The following MAP4K3 variants were observed in gnomAD, a reference collection of about 807,000 sequenced individuals.
MAP4K3 encodes the protein mitogen-activated protein kinase kinase kinase kinase 3.
Under a neutral mutation model 143.5 loss-of-function variants are expected in MAP4K3, and 94 were observed. That is an observed-to-expected ratio of 0.65 (90% confidence interval 0.55 to 0.78). The LOEUF is 0.78. MAP4K3 is among the 30% of genes least tolerant of loss of function. The pLI is 0.00. For missense variants in MAP4K3, 1,077 were observed against 1,068.1 expected (o/e 1.01, Z -0.12); for synonymous variants, 416 against 347.2 (o/e 1.20, Z -2.20).
At chr2:39,290,843 G>C (rs577171491) in intron 18 of MAP4K3, among the ~76,000 whole-genome samples, 1 of 152,242 alleles carries the variant, frequency 6.6e-6, no homozygotes, top group East Asian at 1.9e-4. Flanking sequence ...GGCCGAGGTG[G>C]GCAGATCACG....
chr2:39,358,502 T>C (rs1665674721), intron 2 of MAP4K3, among the ~76,000 whole-genome samples: 1 of 152,226 alleles, frequency 6.6e-6, no homozygotes, highest in South Asian at 2.1e-4. Context: ...TCTAATAGAA[T>C]GTATTAGTGG....
chr2:39,254,438 T>C lies in MAP4K3; in HGVS notation c.2541+12A>G, dbSNP rs1179796503. On this transcript the variant is annotated intron_variant, in intron 32 of 33. Transcript: ENST00000263881. Reference sequence around the variant, plus strand: ...ATGTCTTGTGACTACTTAATGGACATAATTTACTTACCTCATTAGATCTAA... The same window carrying C: ...ATGTCTTGTGACTACTTAATGGACACAATTTACTTACCTCATTAGATCTAA... 4 of 1,606,474 alleles carry C rather than the reference T, an allele frequency of 2.5e-6. No individual in the cohort carries two copies. The highest frequency in any genetic ancestry group is 1.3e-5 in the African/African-American group (1 of 74,788).
chr2:39,255,508 G>A (rs1680309010), intron 31 of MAP4K3, among the ~76,000 whole-genome samples: 1 of 152,070 alleles, frequency 6.6e-6, no homozygotes, highest in African/African-American at 2.4e-5. Context: ...CCATTTACAT[G>A]TGGGTCTATT....
intron 2 of MAP4K3, among the ~76,000 whole-genome samples, chr2:39,374,574 C>T (rs184813333): frequency 8.2e-4 from 124 of 151,674 alleles, no homozygotes; most frequent in East Asian, 5.7e-3. Context: ...CCCAGCTACT[C>T]GGGCAGCTGA....
At chr2:39,251,562 A>T (rs1680156497) in intron 33 of MAP4K3, among the ~76,000 whole-genome samples, 1 of 152,238 alleles carries the variant, frequency 6.6e-6, no homozygotes, top group Admixed American at 6.5e-5. Context: ...GTTCATTAAC[A>T]TATGGTATTT....
intron 32 of MAP4K3, among the ~76,000 whole-genome samples, chr2:39,253,883 A>G (rs952511516): frequency 6.6e-6 from 1 of 152,196 alleles, no homozygotes; most frequent in African/African-American, 2.4e-5. Flanking sequence ...TATGTCACAC[A>G]GCTTGGAGTT....
chr2:39,280,173 C>A, intron 23 of MAP4K3, 99 bp downstream of exon 23: 2 of 664,762 alleles, frequency 3.0e-6, no homozygotes, highest in Non-Finnish European at 4.9e-6. Flanking sequence ...ACTTTTTTTC[C>A]CCAGAAAGAT....
chr2:39,396,067 C>G (rs1380400893), intron 1 of MAP4K3, among the ~76,000 whole-genome samples: 1 of 152,060 alleles, frequency 6.6e-6, no homozygotes, highest in African/African-American at 2.4e-5. Flanking sequence ...GACAAGATCT[C>G]ACTCTGTTGC....
intron 1 of MAP4K3, among the ~76,000 whole-genome samples, chr2:39,414,159 TAGAAAAC>T (rs1042078939): frequency 6.6e-6 from 1 of 152,086 alleles, no homozygotes; most frequent in Admixed American, 6.6e-5. Flanking sequence ...TAGCCAAATC[TAGAAAAC>T]AGAAACACTC....
chr2:39,373,582 G>A (rs547875256), intron 2 of MAP4K3, among the ~76,000 whole-genome samples: 13 of 152,260 alleles, frequency 8.5e-5, no homozygotes, highest in African/African-American at 3.1e-4. Context: ...TGATACATAC[G>A]TACAATGGAG....
intron 6 of MAP4K3, among the ~76,000 whole-genome samples, chr2:39,336,681 A>G (rs190975521): frequency 6.6e-6 from 1 of 152,180 alleles, no homozygotes; most frequent in African/African-American, 2.4e-5. Context: ...AGAAGCTAAA[A>G]TGAGTTATTA....
intron 12 of MAP4K3, among the ~76,000 whole-genome samples, chr2:39,317,947 G>A (rs909239069): frequency 4.6e-5 from 7 of 151,990 alleles, no homozygotes; most frequent in Non-Finnish European, 1.0e-4. Flanking sequence ...AAACATGCAC[G>A]TTATGTTCAT....
chr2:39,271,387 G>GT (rs1681012556), intron 26 of MAP4K3, among the ~76,000 whole-genome samples: 1 of 152,024 alleles, frequency 6.6e-6, no homozygotes, highest in African/African-American at 2.4e-5. Context: ...GAAAATTAAG[G>GT]TTTTATGTTA....
chr2:39,322,592 A>ATGTGTGTGTGTGTGTG (rs71752304), intron 12 of MAP4K3, among the ~76,000 whole-genome samples: 6 of 144,774 alleles, frequency 4.1e-5, no homozygotes, highest in South Asian at 2.2e-4. Flanking sequence ...GATGTGGTAT[A>ATGTGTGTGTGTGTGTG]TGTGTGTGTG....
At chr2:39,303,252 A>T (rs972930286) in intron 15 of MAP4K3, 4 of 166,090 alleles carry the variant, frequency 2.4e-5, no homozygotes, top group Non-Finnish European at 5.9e-5. Context: ...TTTTTAACGC[A>T]GTAGATGATT....
chr2:39,387,021 C>G (rs1472458524), intron 1 of MAP4K3, among the ~76,000 whole-genome samples: 2 of 152,054 alleles, frequency 1.3e-5, no homozygotes, highest in African/African-American at 4.8e-5. Context: ...GCCATGTTGG[C>G]CAGGCTCATC....
intron 2 of MAP4K3, among the ~76,000 whole-genome samples, chr2:39,364,782 T>G (rs1015430161): frequency 3.3e-5 from 5 of 149,624 alleles, no homozygotes; most frequent in African/African-American, 1.2e-4. Flanking sequence ...GCAGGAGAAT[T>G]GCATAAACCC....
intron 24 of MAP4K3, among the ~76,000 whole-genome samples, chr2:39,273,229 G>GT (rs1157437151): frequency 1.8e-4 from 27 of 152,094 alleles, no homozygotes; most frequent in Admixed American, 1.6e-3. Flanking sequence ...TTCGTTATGC[G>GT]TATCAGTGGT....
At chr2:39,320,934 TCAAA>T (rs549799889) in intron 12 of MAP4K3, among the ~76,000 whole-genome samples, 10 of 152,106 alleles carry the variant, frequency 6.6e-5, no homozygotes, top group Non-Finnish European at 1.0e-4. Flanking sequence ...AGAACAAGAC[TCAAA>T]CTAACTACTC....
Sources: gnomAD v4.1 joint callset for allele counts (sites outside exome capture counted in the v4.1 genomes callset) on GRCh38, gnomAD v4.1.1 for gene constraint, MANE v1.5 for transcripts, NCBI Gene and HGNC (gene_info 2026-07-23, HGNC 2026-07-21) for gene names.